Variants in LPCAT4 observed in about 807,000 individuals in gnomAD.
LPCAT4 encodes lysophosphatidylcholine acyltransferase 4, also known as lysophospholipid acyltransferase LPCAT4.
In LPCAT4, 30 loss-of-function variants were observed where a neutral mutation model predicts 66.5. That is an observed-to-expected ratio of 0.45 (90% CI 0.34 to 0.61). LPCAT4 has a LOEUF of 0.61. Ranked by LOEUF, LPCAT4 falls within the 20% of genes least tolerant of loss-of-function variation. The pLI is 0.01. For missense variants in LPCAT4, 557 were observed against 656.7 expected, an observed-to-expected ratio of 0.85 and a Z score of 1.66; for synonymous variants, 253 against 262.1, an observed-to-expected ratio of 0.97 and a Z score of 0.34.
chr15:34,364,452 T>G, intron 3 of LPCAT4, 146 bp from the exon 4 acceptor site: 1 of 594,966 alleles, frequency 1.7e-6, no homozygotes, highest in Non-Finnish European at 3.0e-6. Flanking sequence ...AGACAGAGTT[T>G]CGCTTTTGTT....
In LPCAT4 at chr15:34,363,776, C is replaced by G; in HGVS notation, c.653-57G>C. ...GGCAGAGGTTAGTACACAGAAGTAG[C>G]TAGAGGGCATGAGGTATGGCAGTCT... On this transcript the variant is annotated intron_variant, in intron 5 of 13. Transcript: ENST00000314891. This position sits in a 1 kb window ranked among gnomAD's most constrained non-coding sequence, Gnocchi z 4.3. The G allele has an allele frequency of 6.3e-7, 1 of 1,591,494 alleles. No individual in the cohort carries two copies.
In LPCAT4 at chr15:34,364,243, A is replaced by G. The variant is rs766771997; in HGVS notation, c.542T>C (p.Val181Ala). 1.2e-6 allele frequency: 2 copies of G among 1,613,600 alleles called. No individual in the cohort carries two copies. The highest frequency in any genetic ancestry group is 1.1e-5 in the South Asian group (1 of 91,050). ...SRHDPASRRR[V>A]VEEVRRRATS... is the part of the protein sequence containing the mutation. The stretch of plus-strand genomic sequence containing the variant: ...GGCCCGCCTTCGGACCTCCTCCACC[A>G]CTCTGCGTCGAGAAGCCGGGTCATG... Residue 181 changes from valine to alanine, a missense_variant, in exon 4 of 14, where the codon GTG (valine) becomes GCG (alanine). Physicochemically the swap from Val to Ala is moderately conservative, Grantham distance 64. This residue lies in a region of LPCAT4 where 392 missense variants were observed against 473.9 expected (regional missense o/e 0.83). Coordinates refer to ENST00000314891, the MANE Select transcript of LPCAT4 (RefSeq NM_153613.3).
intron 8 of LPCAT4, 42 bp from the exon 9 acceptor site, chr15:34,362,697 T>C (rs753693974): frequency 6.2e-7 from 1 of 1,610,926 alleles, no homozygotes; most frequent in Non-Finnish European, 8.5e-7. Flanking sequence ...AACCTCAAAG[T>C]GAGGTATGAC....
At position 34,363,515 on chromosome 15, in the gene LPCAT4, C is replaced by T. The variant is rs1890999044; in HGVS notation, c.712-59G>A. ...ATTACTTTTTCCCCCTGGAACTGGC[C>T]AATCACCTTTGAACAGAGGGCCTGA... On this transcript the variant is annotated intron_variant, in intron 6 of 13. Coordinates refer to ENST00000314891, the MANE Select transcript of LPCAT4 (RefSeq NM_153613.3). The surrounding 1 kb of genome is among the most constrained non-coding windows in gnomAD (Gnocchi z 4.3). 1.9e-6 allele frequency: 3 copies of T among 1,609,818 alleles called. No individual in the cohort carries two copies. Among genetic ancestry groups the T allele is most frequent in the Non-Finnish European group, 2.5e-6 (3 of 1,176,764 alleles).
chr15:34,361,627 G>C, intron 10 of LPCAT4, 95 bp from the exon 11 acceptor site: 1 of 1,490,772 alleles, frequency 6.7e-7, no homozygotes, highest in South Asian at 1.2e-5. Flanking sequence ...AGTTCTATCA[G>C]TACAGGTTTA....
intron 12 of LPCAT4, 100 bp from the exon 13 acceptor site, chr15:34,359,845 T>G (rs1595617527): frequency 1.5e-6 from 2 of 1,311,964 alleles, no homozygotes. Context: ...TCCAAAAGGG[T>G]GGTGCACAAG....
At position 34,363,804 on chromosome 15, in the gene LPCAT4, G is replaced by A; in HGVS notation, c.653-85C>T. ...GAGGGCATGAGGTATGGCAGTCTGG[G>A]ACAGTTCTCAAATGAGATATGGTTT... On this transcript the variant is annotated intron_variant, in intron 5 of 13. Transcript: ENST00000314891. The surrounding 1 kb of genome is among the most constrained non-coding windows in gnomAD (Gnocchi z 4.3). 6.7e-7 allele frequency: 1 copy of A among 1,497,938 alleles called. No homozygotes were observed. Among genetic ancestry groups the A allele is most frequent in the Non-Finnish European group, 9.3e-7 (1 of 1,075,492 alleles). The allele number at this position is 1,497,938 out of a possible 1,614,324, so 92.8% of individuals were successfully genotyped here.
In LPCAT4 at chr15:34,359,009, TAAAA is replaced by T; in HGVS notation, c.*114_*117del. On this transcript the variant is annotated 3_prime_UTR_variant, in exon 14 of 14. Transcript: ENST00000314891. ...ACCAAACAAAAAATTAAAATCAACT[TAAAA>T]AAACAACAACCAAACAACAATAACA... 1 of 826,374 alleles carries T rather than the reference TAAAA, an allele frequency of 1.2e-6. No homozygotes were observed. Among genetic ancestry groups the T allele is most frequent in the Non-Finnish European group, 1.7e-6 (1 of 590,804 alleles). The allele number at this position is 826,374 out of a possible 1,614,324, so 51.2% of individuals were successfully genotyped here. A position where few individuals can be genotyped will look rare whatever the true frequency, so the allele number is the denominator to read the frequency against.
intron 12 of LPCAT4, 60 bp downstream of exon 12, chr15:34,360,051 C>T (rs983338302): frequency 4.3e-6 from 6 of 1,386,762 alleles, no homozygotes; most frequent in Non-Finnish European, 6.1e-6. Flanking sequence ...CAAAATAGGC[C>T]TCCTGGAGCG....
At chr15:34,364,506 C>A in intron 3 of LPCAT4, 200 bp from the exon 4 acceptor site, 1 of 472,864 alleles carries the variant, frequency 2.1e-6, no homozygotes, top group East Asian at 3.7e-5. Context: ...TCACCGCAAA[C>A]TCCACCTCCT....
At position 34,358,708 on chromosome 15, in the gene LPCAT4, T is replaced by G. The variant is rs1890868548; in HGVS notation, c.*419A>C. On this transcript the variant is annotated 3_prime_UTR_variant, in exon 14 of 14. Transcript: ENST00000314891. ...AGGTTCACGAGGAAGTCTGTTAAAA[T>G]GTACATATAGGAGATGACAGCAGGA... 1.3e-5 allele frequency: 2 copies of G among 152,952 alleles called. No individual in the cohort carries two copies. Among genetic ancestry groups the G allele is most frequent in the Non-Finnish European group, 2.9e-5 (2 of 68,362 alleles). The allele number at this position is 152,952 out of a possible 1,614,324, so 9.5% of individuals were successfully genotyped here.
At chr15:34,360,052 T>A (rs1595617679) in intron 12 of LPCAT4, 59 bp downstream of exon 12, 1 of 1,395,402 alleles carries the variant, frequency 7.2e-7, no homozygotes, top group East Asian at 2.3e-5. Flanking sequence ...AAAATAGGCC[T>A]CCTGGAGCGG....
chr15:34,366,788 C>T, intron 1 of LPCAT4, 199 bp downstream of exon 1: 3 of 646,242 alleles, frequency 4.6e-6, no homozygotes, highest in Non-Finnish European at 5.3e-6. Flanking sequence ...GCTTGTCTAT[C>T]GCCCAAGCCC....
Position 34,362,668 on chromosome 15 carries a change from C to A in LPCAT4, c.802-13G>T. ...ACACAGGAAGGAACTGAAACACAGA[C>A]ACACACAATTCTTATCAGAACCTCA... On this transcript the variant is annotated splice_polypyrimidine_tract_variant and intron_variant, in intron 8 of 13. Transcript: ENST00000314891. 2 of 1,607,434 alleles carry A rather than the reference C, an allele frequency of 1.2e-6. No homozygotes were observed. Among genetic ancestry groups the A allele is most frequent in the South Asian group, 2.2e-5 (2 of 90,274 alleles).
intron 12 of LPCAT4, 113 bp from the exon 13 acceptor site, chr15:34,359,858 T>C: frequency 8.8e-7 from 1 of 1,140,930 alleles, no homozygotes. Flanking sequence ...TGCACAAGCC[T>C]TCCCTGACCC....
rs760580731 is a variant in LPCAT4, at chr15:34,365,605, C to G, written c.211G>C (p.Gly71Arg). The change falls in exon 2 of 14, where the codon GGT becomes CGT. Residue 71 changes from glycine to arginine, a missense_variant. By Grantham distance (125) the Gly-to-Arg change is moderately radical. Around this residue, in one of 4 missense-constraint regions of LPCAT4, gnomAD observed 65 missense variants for 83.5 expected, o/e 0.78. Transcript: ENST00000314891. Reference sequence around the variant, plus strand: ...TCCTGAAGCTGCTCCTCACTAAGACCGGCCACTTGAAGCCAGGCAAAGGGC... The same window carrying G: ...TCCTGAAGCTGCTCCTCACTAAGACGGGCCACTTGAAGCCAGGCAAAGGGC... ...LWPFAWLQVA[G>R]LSEEQLQEPI... The G allele has an allele frequency of 2.2e-5, 36 of 1,614,078 alleles. No homozygotes were observed. Among genetic ancestry groups the G allele is most frequent in the Admixed American group, 1.8e-4 (11 of 60,006 alleles).
intron 11 of LPCAT4, 56 bp from the exon 12 acceptor site, chr15:34,360,265 C>G: frequency 7.0e-7 from 1 of 1,418,464 alleles, no homozygotes; most frequent in Non-Finnish European, 9.9e-7. Context: ...CCTTCCTGCT[C>G]TTTGGATTTT....
In LPCAT4 at chr15:34,363,698, G is replaced by A; in HGVS notation, c.674C>T (p.Pro225Leu). The stretch of plus-strand genomic sequence containing the variant: ...GTAGCGGATGAGGACAGGCTGCACA[G>A]GCACCCCTGCGATGAAGGCTCCTAA... ...FKPGAFIAGV[P>L]VQPVLIRYPN... The change falls in exon 6 of 14, where the codon CCT becomes CTT. Residue 225 changes from proline to leucine, a missense_variant. By Grantham distance (98) the Pro-to-Leu change is moderately conservative. Transcript: ENST00000314891. The surrounding 1 kb of genome is among the most constrained non-coding windows in gnomAD (Gnocchi z 4.3). The A allele has an allele frequency of 6.2e-7, 1 of 1,614,112 alleles. No individual in the cohort carries two copies. Among genetic ancestry groups the A allele is most frequent in the Non-Finnish European group, 8.5e-7 (1 of 1,180,034 alleles).
At position 34,365,617 on chromosome 15, in the gene LPCAT4, G is replaced by T; in HGVS notation, c.199C>A (p.Leu67Ile). ...VLFLLWPFAWLQVAGLSEEQL... is the reference protein window; with the variant it reads ...VLFLLWPFAWIQVAGLSEEQL... ...TCCTCACTAAGACCGGCCACTTGAAGCCAGGCAAAGGGCCAGAGGAGAAAG... is the reference window on the plus strand; with the variant it reads ...TCCTCACTAAGACCGGCCACTTGAATCCAGGCAAAGGGCCAGAGGAGAAAG... Residue 67 changes from leucine (L) to isoleucine (I), a missense_variant, in exon 2 of 14, where the codon CTT becomes ATT. By Grantham distance (5) the Leu-to-Ile change is conservative. Coordinates refer to ENST00000314891, the MANE Select transcript of LPCAT4 (RefSeq NM_153613.3). 1.2e-6 allele frequency: 2 copies of T among 1,614,234 alleles called. No homozygotes were observed. Among genetic ancestry groups the T allele is most frequent in the Non-Finnish European group, 1.7e-6 (2 of 1,180,038 alleles).
Sources: allele counts gnomAD v4.1 joint callset, GRCh38; gene constraint gnomAD v4.1.1; regional missense constraint gnomAD v4.1.1; non-coding constraint Gnocchi (gnomAD v3.1); transcripts MANE v1.5; gene names NCBI Gene and HGNC (gene_info 2026-07-23, HGNC 2026-07-21).